The following TTC21B variants were observed in gnomAD, a reference collection of about 807,000 sequenced individuals.
TTC21B encodes tetratricopeptide repeat domain 21B, also known as tetratricopeptide repeat protein 21B.
Under a neutral mutation model 175.1 loss-of-function variants are expected in TTC21B, and 127 were observed. That is an observed-to-expected ratio of 0.73 (90% CI 0.63 to 0.84). The LOEUF is 0.84. Ranked by LOEUF, TTC21B falls within the 40% of genes least tolerant of loss-of-function variation. The pLI is 0.00. For missense variants in TTC21B, 1,561 were observed against 1,558.3 expected (o/e 1.00, Z -0.03); for synonymous variants, 524 against 524.5 (o/e 1.00, Z 0.01).
chr2:165,875,827 TAAAG>T (rs1684648635), intron 28 of TTC21B, among the ~76,000 whole-genome samples: 1 of 151,224 alleles, frequency 6.6e-6, no homozygotes. Flanking sequence ...TTTTTTTTTT[TAAAG>T]TAAAAGTCTC....
At chr2:165,912,404 T>C (rs946404807) in intron 17 of TTC21B, 110 bp downstream of exon 17, 14 of 844,458 alleles carry the variant, frequency 1.7e-5, no homozygotes, top group Admixed American at 6.9e-5. Context: ...TAAATACAGA[T>C]TTGGAGTTTA....
At chr2:165,883,607 A>T (rs1684904610) in intron 26 of TTC21B, among the ~76,000 whole-genome samples, 187 bp downstream of exon 26, 1 of 152,092 alleles carries the variant, frequency 6.6e-6, no homozygotes, top group South Asian at 2.1e-4. Flanking sequence ...TCTTTTTTTT[A>T]AACTTTAAAG....
intron 13 of TTC21B, among the ~76,000 whole-genome samples, chr2:165,918,009 A>G (rs552224901): frequency 3.0e-4 from 45 of 152,306 alleles, no homozygotes; most frequent in African/African-American, 9.4e-4. Flanking sequence ...TACAGAAAAC[A>G]TAAGAAAATG....
intron 22 of TTC21B, among the ~76,000 whole-genome samples, chr2:165,897,743 G>A (rs1470553543): frequency 6.6e-6 from 1 of 152,146 alleles, no homozygotes; most frequent in African/African-American, 2.4e-5. Flanking sequence ...AGCTACGAGT[G>A]TTCTAATATT....
At position 165,898,698 on chromosome 2, in the gene TTC21B, C is replaced by A; in HGVS notation, c.2938G>T (p.Glu980Ter). The change falls in exon 22 of 29, where the codon GAA becomes TAA. Residue 980 changes from glutamate to a stop codon, truncating the protein, a stop_gained. Transcript: ENST00000243344. LOFTEE classifies it high-confidence loss of function. ...AGTAGGTATTTACCTGGCTTACGTT[C>A]TAAAAGCTGCTGTAAATGAAACACT... ...QAVFHLQQLL[E>*]RKPDNYMTLS... 2 of 1,610,934 alleles carry A rather than the reference C, an allele frequency of 1.2e-6. No homozygotes were observed. Among genetic ancestry groups the A allele is most frequent in the Non-Finnish European group, 1.7e-6 (2 of 1,177,156 alleles).
At chr2:165,919,116 T>C (rs905684746) in intron 13 of TTC21B, among the ~76,000 whole-genome samples, 160 bp downstream of exon 13, 3 of 152,144 alleles carry the variant, frequency 2.0e-5, no homozygotes, top group South Asian at 2.1e-4. Flanking sequence ...CATACCTGAA[T>C]TGCCTCAATT....
At chr2:165,909,698 T>C (rs778865177) in intron 18 of TTC21B, among the ~76,000 whole-genome samples, 3 of 152,164 alleles carry the variant, frequency 2.0e-5, no homozygotes, top group Non-Finnish European at 2.9e-5. Flanking sequence ...GAGAGGTATA[T>C]GTATATAAAC....
intron 20 of TTC21B, among the ~76,000 whole-genome samples, chr2:165,900,305 C>A (rs1685515973): frequency 6.6e-6 from 1 of 152,150 alleles, no homozygotes; most frequent in Admixed American, 6.5e-5. Flanking sequence ...CCTTTAGCCA[C>A]CACTGAAAAA....
Position 165,929,674 on chromosome 2 carries a change from GA to G in TTC21B, c.1160del (p.Ile387ThrfsTer11). On this transcript the variant is annotated frameshift_variant, in exon 10 of 29. Transcript: ENST00000243344. LOFTEE classifies it high-confidence loss of function. ...ADQQLEFLNE[I>X]QQSIGKSAEL... ...CCGCAGATTTTCCAATGGATTGCTG[GA>G]TTTCATTTAAAAATTCTAGCTGCTG... 1 of 1,612,250 alleles carries G rather than the reference GA, an allele frequency of 6.2e-7. No homozygotes were observed. Among genetic ancestry groups the G allele is most frequent in the Non-Finnish European group, 8.5e-7 (1 of 1,178,788 alleles).
At position 165,915,374 on chromosome 2, in the gene TTC21B, C is replaced by T. The variant is rs16822802; in HGVS notation, c.1965G>A (p.Arg655=). 2,283 of 1,613,976 alleles carry T rather than the reference C, an allele frequency of 1.4e-3. 34 individuals are homozygous for T. The African/African-American group carries it at 0.027, about 19-fold the overall frequency. Residue 655 remains arginine (R), a synonymous_variant, in exon 15 of 29, where the codon CGG becomes CGA. Transcript: ENST00000243344. ...HEFSGTSEEV[R]VTIANADLAL... ...CAAGGTCTGCATTAGCAATGGTAAC[C>T]CGCACTTCTTCAGATGTTCCAGAAA...
intron 20 of TTC21B, 128 bp downstream of exon 20, chr2:165,901,594 A>T: frequency 1.1e-6 from 1 of 889,950 alleles, no homozygotes; most frequent in East Asian, 2.6e-5. Flanking sequence ...AAGGGCTGGG[A>T]TTATAGGCAT....
At position 165,927,247 on chromosome 2, in the gene TTC21B, TA is replaced by T. The variant is rs1686693560; in HGVS notation, c.1386+1887del. ...ATATATATATATATATCCTAGTAGT[TA>T]TATATATATATATCCTAGTAGTTAT... On this transcript the variant is annotated intron_variant, in intron 11 of 28. Transcript: ENST00000243344. Among the ~76,000 whole-genome samples the T allele has an allele frequency of 6.1e-3, 4 of 658 alleles. 1 individual carries two copies. In the Admixed American group the frequency reaches 0.1, roughly 16 times the overall value. 0.4% of individuals were successfully genotyped at this position (658 alleles called of 152,430 possible).
rs1343792675 is a variant in TTC21B at position 165,929,702 on chromosome 2, T to A, written c.1133A>T (p.Asp378Val). ...TTCATTTAAAAATTCTAGCTGCTGA[T>A]CTGCATCCTGTAATTGCCCTTCTAT... ...QLIEGQLQDADQQLEFLNEIQ... is the reference protein window; with the variant it reads ...QLIEGQLQDAVQQLEFLNEIQ... The change falls in exon 10 of 29, where the codon GAT becomes GTT. Residue 378 changes from aspartate to valine, a missense_variant. Coordinates refer to ENST00000243344, the MANE Select transcript of TTC21B (RefSeq NM_024753.5). The A allele has an allele frequency of 1.2e-6, 2 of 1,612,926 alleles. No homozygotes were observed. Among genetic ancestry groups the A allele is most frequent in the South Asian group, 1.1e-5 (1 of 91,064 alleles).
chr2:165,892,816 T>G (rs1361964320), intron 22 of TTC21B, among the ~76,000 whole-genome samples: 1 of 152,206 alleles, frequency 6.6e-6, no homozygotes, highest in Non-Finnish European at 1.5e-5. Context: ...ACAATGCGAA[T>G]GCATTTAATG....
chr2:165,944,837 G>A (rs1220625308), intron 4 of TTC21B, among the ~76,000 whole-genome samples: 1 of 152,082 alleles, frequency 6.6e-6, no homozygotes, highest in East Asian at 1.9e-4. Context: ...CACCTTGGGA[G>A]TACCTACTTC....
At chr2:165,929,482 T>C in intron 10 of TTC21B, 147 bp from the exon 11 acceptor site, 1 of 936,310 alleles carries the variant, frequency 1.1e-6, no homozygotes, top group South Asian at 1.5e-5. Flanking sequence ...TTTAGAATCA[T>C]TCAGAAGAAT....
chr2:165,907,700 T>C lies in TTC21B; in HGVS notation c.2546A>G (p.Asp849Gly). The C allele has an allele frequency of 6.2e-7, 1 of 1,612,348 alleles. No individual in the cohort carries two copies. The highest frequency in any genetic ancestry group is 8.5e-7 in the Non-Finnish European group (1 of 1,179,152). The stretch of plus-strand genomic sequence containing the variant: ...TACCTGTTGTAATGCAGTGATCGCA[T>C]CACCAAGTTTTTCCATTTTACTATA... ...KVYSKMEKLGDAITALQQARE... is the reference protein window; with the variant it reads ...KVYSKMEKLGGAITALQQARE... Residue 849 changes from aspartate (D) to glycine (G), a missense_variant, in exon 19 of 29, where the codon GAT becomes GGT. Asp to Gly is a moderately conservative substitution (Grantham distance 94). Transcript: ENST00000243344.
chr2:165,913,573 C>G lies in TTC21B; in HGVS notation c.2211+1G>C, dbSNP rs939614290. ...CAGTTCAGTAACATCAGAAATTTTA[C>G]CTCTAGAATATTCATGTATGCATCA... On this transcript the variant is annotated splice_donor_variant, in intron 16 of 28. Coordinates refer to ENST00000243344, the MANE Select transcript of TTC21B (RefSeq NM_024753.5). LOFTEE classifies it high-confidence loss of function. 18 of 1,607,066 alleles carry G rather than the reference C, an allele frequency of 1.1e-5. No individual in the cohort carries two copies. Among genetic ancestry groups the G allele is most frequent in the Non-Finnish European group, 1.4e-5 (16 of 1,174,142 alleles).
At chr2:165,883,163 G>A (rs1684890459) in intron 26 of TTC21B, among the ~76,000 whole-genome samples, 2 of 151,972 alleles carry the variant, frequency 1.3e-5, no homozygotes, top group Admixed American at 1.3e-4. Context: ...TCATTTCTAA[G>A]TTGTGTGCAA....
Sources: allele counts gnomAD v4.1 joint callset (sites outside exome capture counted in the v4.1 genomes callset), GRCh38; gene constraint gnomAD v4.1.1; transcripts MANE v1.5; gene names NCBI Gene and HGNC (gene_info 2026-07-23, HGNC 2026-07-21).